Variants in NRAS observed in about 807,000 individuals in gnomAD.
The protein encoded by NRAS is GTPase NRas.
Under a neutral mutation model 21.3 loss-of-function variants are expected in NRAS, and 6 were observed. The observed-to-expected ratio is 0.28, with a 90% CI of 0.15 to 0.56. The LOEUF is 0.56. Among genes scored for constraint, NRAS ranks in the 20% least tolerant of loss-of-function variants. The pLI is 0.93. For synonymous variants in NRAS, 84 were observed against 82.0 expected (o/e 1.02, Z -0.13); for missense variants, 143 against 231.3 (o/e 0.62, Z 2.48).
intron 3 of NRAS, among the ~76,000 whole-genome samples, chr1:114,711,535 A>C (rs1659044722): frequency 6.7e-6 from 1 of 149,332 alleles, no homozygotes; most frequent in Non-Finnish European, 1.5e-5. Flanking sequence ...CGGGAGGCGG[A>C]GGTTGCAGTG....
chr1:114,713,991 AG>A lies in NRAS; in HGVS notation c.112-14del, dbSNP rs9724625. 1 of 973,336 alleles carries A rather than the reference AG, an allele frequency of 1.0e-6. No individual in the cohort carries two copies. The highest frequency in any genetic ancestry group is 1.3e-5 in the South Asian group (1 of 76,196). The allele number at this position is 973,336 out of a possible 1,614,324, so 60.3% of individuals were successfully genotyped here. ...TTCTGTAAGAATCCTGGGGGTGTGGAGGGTAAGGGGGCAGGGAGGGAGGGAA... is the reference window on the plus strand; with the variant it reads ...TTCTGTAAGAATCCTGGGGGTGTGGAGGTAAGGGGGCAGGGAGGGAGGGAA... On this transcript the variant is annotated splice_polypyrimidine_tract_variant and intron_variant, in intron 2 of 6. Coordinates refer to ENST00000369535, the MANE Select transcript of NRAS (RefSeq NM_002524.5).
Position 114,713,906 on chromosome 1 carries a change from C to T in NRAS, c.184G>A (p.Glu62Lys), listed in dbSNP as rs2101742004. 1 of 1,612,244 alleles carries T rather than the reference C, an allele frequency of 6.2e-7. No individual in the cohort carries two copies. The highest frequency in any genetic ancestry group is 8.5e-7 in the Non-Finnish European group (1 of 1,178,782). ...LLDILDTAGQ[E>K]EYSAMRDQYM... ...TGGTCTCTCATGGCACTGTACTCTT[C>T]TTGTCCAGCTGTATCCAGTATGTCC... The change falls in exon 3 of 7, where the codon GAA (glutamate) becomes AAA (lysine). Residue 62 changes from glutamate (E) to lysine (K), a missense_variant. Transcript: ENST00000369535.
At chr1:114,708,680 A>T in intron 4 of NRAS, 26 bp from the exon 5 acceptor site, 1 of 1,612,104 alleles carries the variant, frequency 6.2e-7, no homozygotes, top group Non-Finnish European at 8.5e-7. Context: ...ATGAAAAAAA[A>T]TGAGAGAGCT....
chr1:114,709,202 C>A (rs1384502136), intron 4 of NRAS, among the ~76,000 whole-genome samples: 1 of 152,024 alleles, frequency 6.6e-6, no homozygotes, highest in Non-Finnish European at 1.5e-5. Flanking sequence ...TCTGGGAGGC[C>A]CAGGTGGGAG....
chr1:114,709,787 G>T (rs1047835024), intron 3 of NRAS, 59 bp from the exon 4 acceptor site: 1 of 1,400,112 alleles, frequency 7.1e-7, no homozygotes. Flanking sequence ...TGGGTACAGT[G>T]GCTCATGCCT....
In NRAS at chr1:114,706,577, T is replaced by C. The variant is rs1214934058; in HGVS notation, c.*1517A>G. On this transcript the variant is annotated 3_prime_UTR_variant, in exon 7 of 7. Transcript: ENST00000369535. ...CAGCTGAGACATCCTCATTCTCAAA[T>C]GAGAATATTGGCTTAATTTAGAGTT... is the stretch of plus-strand genomic sequence containing the variant. The C allele has an allele frequency of 6.6e-6, 1 of 152,184 alleles. No homozygotes were observed. Among genetic ancestry groups the C allele is most frequent in the African/African-American group, 2.4e-5 (1 of 41,438 alleles). The allele number at this position is 152,184 out of a possible 1,614,324, so 9.4% of individuals were successfully genotyped here.
chr1:114,716,545 C>G (rs1222648765), intron 1 of NRAS, 113 bp downstream of exon 1: 1 of 353,562 alleles, frequency 2.8e-6, no homozygotes, highest in Non-Finnish European at 5.5e-6. Flanking sequence ...TGGAAGGACC[C>G]CCGCCCAAGG....
In NRAS at chr1:114,708,594, G is replaced by A; in HGVS notation, c.511C>T (p.Leu171Phe). The stretch of plus-strand genomic sequence containing the variant: ...TGAGTCCCATCATCACTGCTGTTGA[G>A]TTTTTTCATTCGGTACTGGCGTATT... ...REIRQYRMKK[L>F]NSSDDGTQGC... Residue 171 changes from leucine to phenylalanine, a missense_variant, in exon 5 of 7, where the codon CTC becomes TTC. Physicochemically the swap from Leu to Phe is conservative, Grantham distance 22 (BLOSUM62 0). Transcript: ENST00000369535. 1 of 1,612,948 alleles carries A rather than the reference G, an allele frequency of 6.2e-7. No individual in the cohort carries two copies. The highest frequency in any genetic ancestry group is 1.1e-5 in the South Asian group (1 of 91,060).
intron 3 of NRAS, among the ~76,000 whole-genome samples, 198 bp downstream of exon 3, chr1:114,713,602 A>T (rs2101741512): frequency 1.3e-5 from 2 of 152,300 alleles, no homozygotes; most frequent in Middle Eastern, 6.8e-3. Flanking sequence ...ATCAAACTTT[A>T]TAGTAACAGT....
In NRAS at chr1:114,706,624, A is replaced by T. The variant is rs1418294272; in HGVS notation, c.*1470T>A. On this transcript the variant is annotated 3_prime_UTR_variant, in exon 7 of 7. Transcript: ENST00000369535. ...AGTTTCTACATGGCTAAAAGAAAAA[A>T]AAATGTTTAAATACGTGATACTGAG... is the stretch of plus-strand genomic sequence containing the variant. The T allele has an allele frequency of 3.9e-5, 6 of 152,232 alleles. No individual in the cohort carries two copies. The highest frequency in any genetic ancestry group is 1.4e-4 in the African/African-American group (6 of 41,458). 9.4% of individuals were successfully genotyped at this position (152,232 alleles called of 1,614,324 possible). A position where few individuals can be genotyped will look rare whatever the true frequency, so the allele number is the denominator to read the frequency against.
rs1453125477 is a variant in NRAS at position 114,706,053 on chromosome 1, AC to A, written c.*2040del. 1 of 152,200 alleles carries A rather than the reference AC, an allele frequency of 6.6e-6. No homozygotes were observed. Among genetic ancestry groups the A allele is most frequent in the East Asian group, 1.9e-4 (1 of 5,192 alleles). The allele number at this position is 152,200 out of a possible 1,614,324, so 9.4% of individuals were successfully genotyped here. A position where few individuals can be genotyped will look rare whatever the true frequency, so the allele number is the denominator to read the frequency against. On this transcript the variant is annotated 3_prime_UTR_variant, in exon 7 of 7. Coordinates refer to ENST00000369535, the MANE Select transcript of NRAS (RefSeq NM_002524.5). Reference sequence around the variant, plus strand: ...AGCCTCAGGAAAATTACAGAGTAGCACTGCTCCAGAAGGAGCAGAAACAGAA... The same window carrying A: ...AGCCTCAGGAAAATTACAGAGTAGCATGCTCCAGAAGGAGCAGAAACAGAA...
At chr1:114,713,777 AG>A in intron 3 of NRAS, 22 bp downstream of exon 3, 1 of 1,589,942 alleles carries the variant, frequency 6.3e-7, no homozygotes, top group South Asian at 1.1e-5. Flanking sequence ...TCATCCTTTC[AG>A]AGAAAATAAT....
At chr1:114,715,456 T>TAA (rs1436504810) in intron 2 of NRAS, among the ~76,000 whole-genome samples, 1 of 152,208 alleles carries the variant, frequency 6.6e-6, no homozygotes, top group Non-Finnish European at 1.5e-5. Flanking sequence ...TTAAATATAT[T>TAA]ATTTAACTTT....
Position 114,707,766 on chromosome 1 carries a change from C to T in NRAS, c.*328G>A, listed in dbSNP as rs1259781050. ...AATTTCACGTTTGCGGTTTGGTTCT[C>T]TGTTTCAGACATGAACTGCTTTTCA... On this transcript the variant is annotated 3_prime_UTR_variant, in exon 7 of 7. Coordinates refer to ENST00000369535, the MANE Select transcript of NRAS (RefSeq NM_002524.5). 6.6e-6 allele frequency: 1 copy of T among 152,628 alleles called. No homozygotes were observed. Among genetic ancestry groups the T allele is most frequent in the Non-Finnish European group, 1.5e-5 (1 of 68,050 alleles). 9.5% of individuals were successfully genotyped at this position (152,628 alleles called of 1,614,324 possible).
rs1658971455 is a variant in NRAS, at chr1:114,708,623, CT to C, written c.481del (p.Arg161GlufsTer8). 6.2e-7 allele frequency: 1 copy of C among 1,613,032 alleles called. No homozygotes were observed. The highest frequency in any genetic ancestry group is 1.3e-5 in the African/African-American group (1 of 74,874). On this transcript the variant is annotated frameshift_variant, in exon 5 of 7. Coordinates refer to ENST00000369535, the MANE Select transcript of NRAS (RefSeq NM_002524.5). LOFTEE classifies it high-confidence loss of function. The stretch of plus-strand genomic sequence containing the variant: ...TTTCATTCGGTACTGGCGTATTTCT[CT>C]TACCAGTGTGTAAAAAGCATCTTCA... ...GVEDAFYTLV[R>X]EIRQYRMKKL...
intron 2 of NRAS, among the ~76,000 whole-genome samples, chr1:114,714,839 GCTGTTAAGCTCAAAATAAAGATTTTGC>G (rs1456989824): frequency 2.0e-5 from 3 of 152,052 alleles, no homozygotes; most frequent in Admixed American, 2.0e-4. Flanking sequence ...AAATATTAAA[GCTGTTAAGCTCAAAATAAAGATTTTGC>G]CAAGGGTTAG....
chr1:114,704,625 T>C lies in NRAS; in HGVS notation c.*3469A>G, dbSNP rs1658861248. Reference sequence around the variant, plus strand: ...TTCCATTTAGGGCCAAGGAGGCCAATAGTTCCTGTTTAAACAGCAGAATTG... The same window carrying C: ...TTCCATTTAGGGCCAAGGAGGCCAACAGTTCCTGTTTAAACAGCAGAATTG... On this transcript the variant is annotated 3_prime_UTR_variant, in exon 7 of 7. Coordinates refer to ENST00000369535, the MANE Select transcript of NRAS (RefSeq NM_002524.5). The C allele has an allele frequency of 6.6e-6, 1 of 152,198 alleles. No individual in the cohort carries two copies. The allele number at this position is 152,198 out of a possible 1,614,324, so 9.4% of individuals were successfully genotyped here.
At chr1:114,709,343 G>C (rs1013413602) in intron 4 of NRAS, among the ~76,000 whole-genome samples, 2 of 151,920 alleles carry the variant, frequency 1.3e-5, no homozygotes, top group East Asian at 3.9e-4. Context: ...GCTGAGGCAG[G>C]AGAATCACTT....
At chr1:114,716,407 C>CT (rs1183910474) in intron 1 of NRAS, among the ~76,000 whole-genome samples, 1 of 152,050 alleles carries the variant, frequency 6.6e-6, no homozygotes, top group Non-Finnish European at 1.5e-5. Flanking sequence ...CGCCCTCAGC[C>CT]TAAGCAATGG....
Sources: gnomAD v4.1 joint callset for allele counts (sites outside exome capture counted in the v4.1 genomes callset) on GRCh38, gnomAD v4.1.1 for gene constraint, MANE v1.5 for transcripts, NCBI Gene and HGNC (gene_info 2026-07-23, HGNC 2026-07-21) for gene names.